Variants in POLA1 observed in about 807,000 individuals in gnomAD.
The protein encoded by POLA1 is DNA polymerase alpha 1, catalytic subunit, also known as DNA polymerase alpha catalytic subunit.
In POLA1, 15 loss-of-function variants were observed where a neutral mutation model predicts 124.0. The observed-to-expected ratio is 0.12, with a 90% CI of 0.08 to 0.19. The LOEUF (loss-of-function observed/expected upper bound fraction) is 0.19, where lower values mean the gene tolerates loss of function less well. Ranked by LOEUF, POLA1 falls within the 10% of genes least tolerant of loss-of-function variation. The pLI, the probability that POLA1 is intolerant of heterozygous loss-of-function variation, is 1.00. For synonymous variants in POLA1, 408 were observed against 389.4 expected (o/e 1.05, Z -0.56); for missense variants, 886 against 1,103.4 (o/e 0.80, Z 2.79).
intron 35 of POLA1, among the ~76,000 whole-genome samples, chrX:24,893,417 T>C (rs1395529860): frequency 8.9e-6 from 1 of 112,162 alleles, no homozygotes; most frequent in African/African-American, 3.2e-5. Flanking sequence ...TGGGGTATAA[T>C]TGACATAACA....
intron 26 of POLA1, among the ~76,000 whole-genome samples, chrX:24,808,993 G>A (rs1424660353): frequency 9.0e-6 from 1 of 111,182 alleles, no homozygotes; most frequent in Non-Finnish European, 1.9e-5. Context: ...AGAATGCTTG[G>A]GTTCATATCC....
At chrX:24,928,984 G>C (rs780227628) in intron 35 of POLA1, among the ~76,000 whole-genome samples, 3 of 111,683 alleles carry the variant, frequency 2.7e-5, no homozygotes, top group Non-Finnish European at 5.6e-5. Flanking sequence ...GCTCCATGTG[G>C]GTTTGTTCCT....
At chrX:24,803,930 TAAAAA>T (rs34721601) in intron 26 of POLA1, among the ~76,000 whole-genome samples, 1 of 13,840 alleles carries the variant, frequency 7.2e-5, no homozygotes, top group Non-Finnish European at 1.2e-4. Context: ...ACCCTAGACT[TAAAAA>T]AAAAAAAAAA....
At chrX:24,952,396 T>C (rs771954555) in intron 36 of POLA1, among the ~76,000 whole-genome samples, 1 of 112,348 alleles carries the variant, frequency 8.9e-6, no homozygotes, top group South Asian at 3.7e-4. Context: ...TGTACCTCCA[T>C]GATGCAATCA....
intron 15 of POLA1, among the ~76,000 whole-genome samples, chrX:24,731,744 G>A (rs779927150): frequency 9.0e-6 from 1 of 110,931 alleles, no homozygotes; most frequent in East Asian, 2.9e-4. Context: ...ATAGCTCCAT[G>A]ATTGAGAAAC....
intron 12 of POLA1, among the ~76,000 whole-genome samples, chrX:24,725,191 C>CTTTT (rs757657562): frequency 6.7e-5 from 6 of 89,014 alleles, no homozygotes; most frequent in Non-Finnish European, 8.9e-5. Flanking sequence ...TGAATGACTA[C>CTTTT]TTTTTTTTTT....
chrX:24,766,650 C>G (rs1311952682), intron 26 of POLA1, among the ~76,000 whole-genome samples: 1 of 111,210 alleles, frequency 9.0e-6, no homozygotes, highest in South Asian at 3.8e-4. Flanking sequence ...TGATGGTTGG[C>G]AAGGAACTAT....
chrX:24,858,220 G>T (rs750899327), intron 34 of POLA1, among the ~76,000 whole-genome samples: 20 of 111,869 alleles, frequency 1.8e-4, no homozygotes, highest in Non-Finnish European at 3.2e-4. Context: ...ACAAATAGTG[G>T]ATCATTAGCA....
intron 34 of POLA1, among the ~76,000 whole-genome samples, chrX:24,885,761 T>C (rs779149258): frequency 6.3e-4 from 70 of 111,984 alleles, no homozygotes; most frequent in Middle Eastern, 4.6e-3. Context: ...CCTGACCTCG[T>C]GATCTGCCCG....
In POLA1 at chrX:24,809,749, G is replaced by A. The variant is rs2045867065; in HGVS notation, c.2965-149G>A. 3.3e-5 allele frequency: 13 copies of A among 391,548 alleles called. No individual in the cohort carries two copies. In the South Asian group the frequency reaches 6.3e-4, roughly 19 times the overall value. The allele number at this position is 391,548 out of a possible 1,213,427, so 32.3% of individuals were successfully genotyped here. ...AAACTTAGATTATATTGATGTTACT[G>A]TTATTTTAAGGGCTGTTGTTAGAAA... On this transcript the variant is annotated intron_variant, in intron 26 of 36. Coordinates refer to ENST00000379068, the MANE Select transcript of POLA1 (RefSeq NM_001330360.2).
At chrX:24,799,256 C>T (rs1299860908) in intron 26 of POLA1, among the ~76,000 whole-genome samples, 1 of 112,047 alleles carries the variant, frequency 8.9e-6, no homozygotes, top group East Asian at 2.8e-4. Context: ...GGTGACAGCA[C>T]CACCTTGGTC....
intron 35 of POLA1, among the ~76,000 whole-genome samples, chrX:24,904,978 C>T (rs1485447198): frequency 2.0e-5 from 2 of 102,428 alleles, no homozygotes; most frequent in Non-Finnish European, 3.9e-5. Context: ...GAGCCGAGAT[C>T]GTGCCACTGC....
rs2045523188 is a variant in POLA1 at position 24,792,644 on chromosome X, A to G, written c.2965-17254A>G. On this transcript the variant is annotated intron_variant, in intron 26 of 36. Transcript: ENST00000379068. ...CTTATGTTCTTTTACTGTTGATACTATTTCCAACTGTCAAGAAATTATTTT... is the reference window on the plus strand; with the variant it reads ...CTTATGTTCTTTTACTGTTGATACTGTTTCCAACTGTCAAGAAATTATTTT... Among the ~76,000 whole-genome samples, 4 of 112,161 alleles carry G rather than the reference A, an allele frequency of 3.6e-5. No individual in the cohort carries two copies. The Admixed American group carries it at 3.8e-4, about 11-fold the overall frequency.
chrX:24,788,320 A>G lies in POLA1; in HGVS notation c.2965-21578A>G, dbSNP rs926868013. ...GATTGGGAACAAGATAAGGATGCCC[A>G]CTTTTACTACTTCTTTTTTTTTTTT... On this transcript the variant is annotated intron_variant, in intron 26 of 36. Transcript: ENST00000379068. The G allele has an allele frequency of 6.9e-6, 7 of 1,011,135 alleles. No homozygotes were observed. In the South Asian group the frequency reaches 1.7e-4, roughly 25 times the overall value. The allele number at this position is 1,011,135 out of a possible 1,213,427, so 83.3% of individuals were successfully genotyped here.
chrX:24,958,170 G>A (rs964966887), intron 36 of POLA1, among the ~76,000 whole-genome samples: 1 of 111,892 alleles, frequency 8.9e-6, no homozygotes, highest in Non-Finnish European at 1.9e-5. Flanking sequence ...TGATCTTTGC[G>A]AGAATGGAAC....
chrX:24,863,263 C>CG (rs751066981), intron 34 of POLA1, among the ~76,000 whole-genome samples: 2 of 107,233 alleles, frequency 1.9e-5, no homozygotes, highest in East Asian at 3.0e-4. Context: ...AGTATGCCCC[C>CG]CCCCATCTTC....
At chrX:24,813,895 A>C (rs111448680) in intron 29 of POLA1, among the ~76,000 whole-genome samples, 2 of 111,351 alleles carry the variant, frequency 1.8e-5, no homozygotes, top group African/African-American at 3.3e-5. Context: ...TGAAAGTAGA[A>C]GAATTTTTTA....
intron 26 of POLA1, among the ~76,000 whole-genome samples, chrX:24,787,531 A>G (rs778220494): frequency 1.8e-4 from 20 of 111,543 alleles, no homozygotes; most frequent in Non-Finnish European, 3.4e-4. Flanking sequence ...CATGTATGCA[A>G]GGGTTTATTT....
At chrX:24,923,808 T>TC (rs2047652401) in intron 35 of POLA1, among the ~76,000 whole-genome samples, 1 of 112,132 alleles carries the variant, frequency 8.9e-6, no homozygotes, top group Admixed American at 9.4e-5. Flanking sequence ...TATTTTTTTT[T>TC]CACCCTCTGT....
Sources: gnomAD v4.1 joint callset for allele counts (sites outside exome capture counted in the v4.1 genomes callset) on GRCh38, gnomAD v4.1.1 for gene constraint, MANE v1.5 for transcripts, NCBI Gene and HGNC (gene_info 2026-07-23, HGNC 2026-07-21) for gene names.